The following HOXC4 variants were observed in gnomAD, a reference collection of about 807,000 sequenced individuals.
HOXC4 encodes homeobox C4, also known as homeobox protein Hox-C4.
A neutral mutation model predicts 25.5 loss-of-function variants in HOXC4; 15 were observed. That is an observed-to-expected ratio of 0.59 (90% CI 0.39 to 0.91). The LOEUF (loss-of-function observed/expected upper bound fraction) is 0.91. HOXC4 is among the 40% of genes least tolerant of loss of function. The pLI is 0.00. For synonymous variants in HOXC4, 165 were observed against 148.0 expected, an observed-to-expected ratio of 1.11 and a Z score of -0.83; for missense variants, 342 against 352.4, an observed-to-expected ratio of 0.97 and a Z score of 0.24.
intron 1 of HOXC4, among the ~76,000 whole-genome samples, chr12:54,018,264 G>A (rs1433054848): frequency 2.6e-5 from 4 of 152,188 alleles, no homozygotes; most frequent in Non-Finnish European, 5.9e-5. Context: ...CCCCAGCCGC[G>A]GCCATCCCAG....
intron 1 of HOXC4, among the ~76,000 whole-genome samples, chr12:54,018,293 C>T (rs909869467): frequency 1.3e-5 from 2 of 152,218 alleles, no homozygotes; most frequent in Non-Finnish European, 2.9e-5. Context: ...CCCACTGGAC[C>T]GGGATGCCCG....
At chr12:54,041,977 CTT>C (rs796328359) in intron 1 of HOXC4, among the ~76,000 whole-genome samples, 6 of 116,686 alleles carry the variant, frequency 5.1e-5, no homozygotes, top group Non-Finnish European at 5.2e-5. Flanking sequence ...CTTTTCTTTT[CTT>C]TTTTTTTTTT....
intron 1 of HOXC4, 92 bp downstream of exon 1, chr12:54,054,453 T>A: frequency 2.6e-6 from 2 of 758,064 alleles, no homozygotes; most frequent in Non-Finnish European, 4.2e-6. Context: ...CGTCCTCCTT[T>A]CTCTCCTTCC....
intron 1 of HOXC4, chr12:54,017,483 G>C (rs903454298): frequency 6.6e-6 from 1 of 152,002 alleles, no homozygotes; most frequent in Admixed American, 6.5e-5. Context: ...TAGGACAGCA[G>C]CGGCTTCTCT....
exon 1 of HOXC4, chr12:54,016,992 AT>A (rs1435323048): frequency 7.0e-6 from 1 of 142,836 alleles, no homozygotes; most frequent in African/African-American, 2.6e-5. Context: ...ATTAATAATT[AT>A]TTTTCCCCCA....
upstream of HOXC4, among the ~76,000 whole-genome samples, chr12:54,052,632 T>G (rs1451134993): frequency 6.7e-6 from 1 of 149,762 alleles, no homozygotes; most frequent in Non-Finnish European, 1.5e-5. Flanking sequence ...TCTACGGCCC[T>G]GTCACCCCCC....
intron 1 of HOXC4, chr12:54,034,504 G>A (rs1007760834): frequency 1.9e-6 from 3 of 1,606,560 alleles, no homozygotes; most frequent in African/African-American, 1.3e-5. Flanking sequence ...GGCAGCGGGG[G>A]AGGCCCGCAG....
intron 1 of HOXC4, among the ~76,000 whole-genome samples, chr12:54,042,769 C>CGATGCTGTTTGAGAGCCAAGAA (rs1158781191): frequency 6.6e-6 from 1 of 152,106 alleles, no homozygotes; most frequent in African/African-American, 2.4e-5. Context: ...AAGGAGAAGA[C>CGATGCTGTTTGAGAGCCAAGAA]GATGCTGTTT....
chr12:54,054,407 T>G, intron 1 of HOXC4, 46 bp downstream of exon 1: 8 of 1,093,732 alleles, frequency 7.3e-6, no homozygotes, highest in Non-Finnish European at 9.7e-6. Flanking sequence ...CCTTCTTCCC[T>G]AGCGCTCCCC....
chr12:54,029,217 A>T (rs1940872333), intron 1 of HOXC4, among the ~76,000 whole-genome samples: 1 of 152,050 alleles, frequency 6.6e-6, no homozygotes, highest in African/African-American at 2.4e-5. Flanking sequence ...CCCAAAGTGG[A>T]GTCAGTCTGA....
intron 1 of HOXC4, chr12:54,047,899 G>A (rs1937754182): frequency 6.6e-6 from 1 of 152,206 alleles, no homozygotes; most frequent in South Asian, 2.1e-4. Flanking sequence ...GATCCCACTG[G>A]TGCCACGATT....
intron 1 of HOXC4, chr12:54,028,306 C>T (rs1180367507): frequency 6.4e-6 from 3 of 467,490 alleles, no homozygotes; most frequent in African/African-American, 5.8e-5. Context: ...TCAAAGCACA[C>T]ACTTAGTCTC....
chr12:54,054,845 C>A lies in HOXC4; in HGVS notation c.440-5C>A. The A allele has an allele frequency of 6.3e-7, 1 of 1,596,128 alleles. No individual in the cohort carries two copies. Among genetic ancestry groups the A allele is most frequent in the Middle Eastern group, 1.7e-4 (1 of 5,988 alleles). On this transcript the variant is annotated splice_polypyrimidine_tract_variant and splice_region_variant and intron_variant, in intron 1 of 1. Transcript: ENST00000430889. The stretch of plus-strand genomic sequence containing the variant: ...CCCCACTATTTGCTTTTCCCCTCCC[C>A]CCAGTGAACCCCAATTATAACGGAG...
At chr12:54,033,128 C>T (rs201414819) in intron 1 of HOXC4, 4 of 1,602,872 alleles carry the variant, frequency 2.5e-6, no homozygotes, top group East Asian at 4.5e-5. Flanking sequence ...CCGCCATGAG[C>T]TCCTACGTAG....
upstream of HOXC4, among the ~76,000 whole-genome samples, chr12:54,052,296 A>G (rs1937863650): frequency 6.6e-6 from 1 of 152,260 alleles, no homozygotes; most frequent in Non-Finnish European, 1.5e-5. Flanking sequence ...GCCCTATAAA[A>G]GCTGTAGCGA....
intron 1 of HOXC4, among the ~76,000 whole-genome samples, chr12:54,048,206 G>C (rs970676584): frequency 1.3e-5 from 2 of 152,098 alleles, no homozygotes; most frequent in Non-Finnish European, 2.9e-5. Context: ...GGCACACCGG[G>C]AGCTGTGTTT....
At chr12:54,048,603 G>C (rs1388001243) in intron 1 of HOXC4, among the ~76,000 whole-genome samples, 2 of 152,116 alleles carry the variant, frequency 1.3e-5, no homozygotes, top group Non-Finnish European at 2.9e-5. Flanking sequence ...CCCTGGAGAG[G>C]ACCCAGGATT....
rs1438550811 is a variant in HOXC4, at chr12:54,032,960, T to G, written c.-124+15546T>G. The G allele has an allele frequency of 6.4e-6, 4 of 622,032 alleles. No individual in the cohort carries two copies. The African/African-American group carries it at 7.4e-5, about 11-fold the overall frequency. The allele number at this position is 622,032 out of a possible 1,614,324, so 38.5% of individuals were successfully genotyped here. On this transcript the variant is annotated intron_variant, in intron 1 of 3. Transcript: ENST00000303406. ...AGTGGCCGCTCGAGTCACGTGACTC[T>G]ATTTAAGGCTCCCTTATTTGGGAAG...
chr12:54,044,725 TTG>T (rs58933808), intron 1 of HOXC4, among the ~76,000 whole-genome samples: 18 of 146,772 alleles, frequency 1.2e-4, no homozygotes, highest in Admixed American at 5.4e-4. Flanking sequence ...GTGTGTGTGT[TTG>T]TGTGTGTGTG....
Sources: gnomAD v4.1 joint callset for allele counts (sites outside exome capture counted in the v4.1 genomes callset) on GRCh38, gnomAD v4.1.1 for gene constraint, MANE v1.5 for transcripts, NCBI Gene and HGNC (gene_info 2026-07-23, HGNC 2026-07-21) for gene names.